LHFPL2: variants seen among roughly 807,000 people sequenced by gnomAD.
The protein encoded by LHFPL2 is LHFPL tetraspan subfamily member 2 protein.
Under a neutral mutation model 17.5 loss-of-function variants are expected in LHFPL2, and 7 were observed. The observed-to-expected ratio is 0.40, with a 90% CI of 0.23 to 0.75. LHFPL2 has a LOEUF of 0.75. LHFPL2 is among the 30% of genes least tolerant of loss of function. The pLI is 0.37. For missense variants in LHFPL2, 241 were observed against 294.8 expected (o/e 0.82, Z 1.34); for synonymous variants, 134 against 116.2 (o/e 1.15, Z -0.99).
At chr5:78,616,497 G>C (rs1744619808) in intron 2 of LHFPL2, among the ~76,000 whole-genome samples, 1 of 152,120 alleles carries the variant, frequency 6.6e-6, no homozygotes. Flanking sequence ...TAAAAGTCAC[G>C]AAAGAGGTTA....
At chr5:78,605,511 A>G (rs758130786) in intron 2 of LHFPL2, among the ~76,000 whole-genome samples, 1 of 152,156 alleles carries the variant, frequency 6.6e-6, no homozygotes, top group East Asian at 1.9e-4. Context: ...AGGGTCTTTT[A>G]TGTCATTATT....
At chr5:78,626,808 C>T (rs533111278) in intron 2 of LHFPL2, among the ~76,000 whole-genome samples, 2 of 152,054 alleles carry the variant, frequency 1.3e-5, no homozygotes, top group South Asian at 2.1e-4. Context: ...AGGCCTGGCG[C>T]GGTGGTTCAC....
At chr5:78,588,844 G>A (rs1314280416) in intron 2 of LHFPL2, among the ~76,000 whole-genome samples, 6 of 152,184 alleles carry the variant, frequency 3.9e-5, no homozygotes, top group South Asian at 2.1e-4. Context: ...GGTACCTAAT[G>A]TAAGTTACTC....
chr5:78,569,307 A>T (rs1434286833), intron 2 of LHFPL2, among the ~76,000 whole-genome samples: 2 of 152,206 alleles, frequency 1.3e-5, no homozygotes, highest in Admixed American at 1.3e-4. Flanking sequence ...TACATGAGTC[A>T]ACTAAAGGAA....
intron 2 of LHFPL2, among the ~76,000 whole-genome samples, chr5:78,577,767 A>C (rs1757168665): frequency 1.3e-5 from 2 of 152,126 alleles, no homozygotes; most frequent in Non-Finnish European, 2.9e-5. Context: ...TCTAAACGAG[A>C]AAAAGACAAT....
At chr5:78,521,160 G>A (rs1720188713) in intron 3 of LHFPL2, among the ~76,000 whole-genome samples, 2 of 152,218 alleles carry the variant, frequency 1.3e-5, no homozygotes, top group Non-Finnish European at 2.9e-5. Flanking sequence ...CTTCAGGCAA[G>A]AGTCAGAAGT....
chr5:78,635,031 TCA>T (rs1471402963), intron 1 of LHFPL2, among the ~76,000 whole-genome samples: 1 of 152,188 alleles, frequency 6.6e-6, no homozygotes, highest in African/African-American at 2.4e-5. Flanking sequence ...GGTCAGTTCT[TCA>T]CAGACATTCC....
intron 2 of LHFPL2, among the ~76,000 whole-genome samples, chr5:78,630,586 T>C (rs1375185434): frequency 1.3e-5 from 2 of 151,914 alleles, no homozygotes; most frequent in African/African-American, 4.8e-5. Flanking sequence ...GCCTTGTCTT[T>C]CATTCAATTC....
chr5:78,519,639 C>A (rs1376891580), intron 3 of LHFPL2, among the ~76,000 whole-genome samples: 1 of 152,192 alleles, frequency 6.6e-6, no homozygotes, highest in African/African-American at 2.4e-5. Flanking sequence ...TAATAGCCTA[C>A]CGCATAGGGA....
chr5:78,626,626 C>T (rs1745043432), intron 2 of LHFPL2: 1 of 152,162 alleles, frequency 6.6e-6, no homozygotes. Context: ...TCTCCATCAT[C>T]AACTGGCAGG....
At chr5:78,590,835 G>A (rs1463688675) in intron 2 of LHFPL2, among the ~76,000 whole-genome samples, 1 of 152,174 alleles carries the variant, frequency 6.6e-6, no homozygotes, top group Non-Finnish European at 1.5e-5. Context: ...AATGGATAAT[G>A]CAGATCATGT....
intron 2 of LHFPL2, among the ~76,000 whole-genome samples, chr5:78,577,650 C>T (rs1370375812): frequency 6.6e-6 from 1 of 152,208 alleles, no homozygotes; most frequent in Non-Finnish European, 1.5e-5. Flanking sequence ...CTCAAGCTCA[C>T]AGCCTTAAGA....
intron 1 of LHFPL2, 22 bp from the exon 2 acceptor site, chr5:78,632,390 T>C (rs907160861): frequency 1.3e-5 from 2 of 152,180 alleles, no homozygotes; most frequent in Non-Finnish European, 2.9e-5. Context: ...TTGGAAAAAG[T>C]CATTTTTATT....
intron 2 of LHFPL2, among the ~76,000 whole-genome samples, chr5:78,589,252 C>A (rs539046753): frequency 6.6e-6 from 1 of 152,074 alleles, no homozygotes; most frequent in Admixed American, 6.5e-5. Context: ...AGGTGGATCA[C>A]GAGGTCAGGA....
chr5:78,607,362 T>G (rs1203964305), intron 2 of LHFPL2, among the ~76,000 whole-genome samples: 1 of 151,286 alleles, frequency 6.6e-6, no homozygotes, highest in Non-Finnish European at 1.5e-5. Flanking sequence ...ATCCACCCCC[T>G]TCGGCCTCCC....
At chr5:78,588,538 T>G (rs183493893) in intron 2 of LHFPL2, among the ~76,000 whole-genome samples, 1 of 151,948 alleles carries the variant, frequency 6.6e-6, no homozygotes, top group East Asian at 1.9e-4. Context: ...CCATCTCCTA[T>G]TTTTTTTAAT....
intron 3 of LHFPL2, among the ~76,000 whole-genome samples, chr5:78,519,446 G>A (rs1214484489): frequency 6.6e-6 from 1 of 152,138 alleles, no homozygotes; most frequent in Non-Finnish European, 1.5e-5. Flanking sequence ...CAGGCTTCAG[G>A]AAGGGTACAC....
At chr5:78,552,961 C>T (rs1343896954) in intron 3 of LHFPL2, among the ~76,000 whole-genome samples, 1 of 152,168 alleles carries the variant, frequency 6.6e-6, no homozygotes, top group African/African-American at 2.4e-5. Context: ...TCTGCAGGCT[C>T]CATTAATCAT....
chr5:78,542,866 A>G (rs1422482546), intron 3 of LHFPL2, among the ~76,000 whole-genome samples: 1 of 152,212 alleles, frequency 6.6e-6, no homozygotes, highest in Non-Finnish European at 1.5e-5. Context: ...AATGCTCCTT[A>G]AGTGCCAATG....
Sources: gnomAD v4.1 joint callset for allele counts (sites outside exome capture counted in the v4.1 genomes callset) on GRCh38, gnomAD v4.1.1 for gene constraint, MANE v1.5 for transcripts, NCBI Gene and HGNC (gene_info 2026-07-23, HGNC 2026-07-21) for gene names.